The following BRWD3 variants were observed in gnomAD, a reference collection of about 807,000 sequenced individuals.
The protein encoded by BRWD3 is bromodomain and WD repeat domain containing 3.
A neutral mutation model predicts 149.7 loss-of-function variants in BRWD3; 10 were observed. That is an observed-to-expected ratio of 0.07 (90% CI 0.04 to 0.11). The LOEUF is 0.11. Ranked by LOEUF, BRWD3 falls within the 10% of genes least tolerant of loss-of-function variation. The probability of loss-of-function intolerance (pLI) is 1.00; values close to 1 mark genes in which losing one functional copy is unlikely to be tolerated. For missense variants in BRWD3, 940 were observed against 1,373.2 expected (o/e 0.68, Z 4.99); for synonymous variants, 504 against 456.7 (o/e 1.10, Z -1.32).
chrX:80,692,096 T>C lies in BRWD3; in HGVS notation c.3318A>G (p.Pro1106=), dbSNP rs140203774. 180 of 1,203,500 alleles carry C rather than the reference T, an allele frequency of 1.5e-4. 1 individual carries two copies. The highest frequency in any genetic ancestry group is 5.2e-4 in the Middle Eastern group (2 of 3,839). Residue 1106 remains proline (P), a synonymous_variant, in exon 29 of 41, where the codon CCA becomes CCG. Transcript: ENST00000373275. Reference sequence around the variant, plus strand: ...TTTTAAAAGCATATTTACTTCCTTCTGGAATTGGCTCCATATCCCATGGGC... The same window carrying C: ...TTTTAAAAGCATATTTACTTCCTTCCGGAATTGGCTCCATATCCCATGGGC... The part of the protein sequence containing the change: ...KMSPWDMEPI[P]EGTAFPDEVG...
At chrX:80,712,220 T>C (rs2072980929) in intron 20 of BRWD3, among the ~76,000 whole-genome samples, 1 of 111,709 alleles carries the variant, frequency 9.0e-6, no homozygotes, top group African/African-American at 3.3e-5. Flanking sequence ...ACTGTACTGC[T>C]GCCATCTCGG....
At chrX:80,722,530 A>C in intron 17 of BRWD3, 32 bp downstream of exon 17, 1 of 1,177,368 alleles carries the variant, frequency 8.5e-7, no homozygotes, top group Non-Finnish European at 1.2e-6. Context: ...ATTGGGCAAA[A>C]TGTTTTAAAT....
intron 35 of BRWD3, 27 bp downstream of exon 35, chrX:80,686,836 C>A: frequency 8.3e-7 from 1 of 1,199,748 alleles, no homozygotes. Flanking sequence ...ATCATACTGA[C>A]AATTATTTAA....
At chrX:80,689,098 G>C (rs745467399) in intron 33 of BRWD3, among the ~76,000 whole-genome samples, 1 of 111,318 alleles carries the variant, frequency 9.0e-6, no homozygotes, top group South Asian at 3.7e-4. Context: ...TAGCATATGT[G>C]AGTCACTCAT....
chrX:80,789,668 G>A (rs771750517), intron 6 of BRWD3, among the ~76,000 whole-genome samples: 2 of 110,001 alleles, frequency 1.8e-5, no homozygotes, highest in South Asian at 4.1e-4. Flanking sequence ...GAGCCACCCC[G>A]CCTGGCCTCC....
intron 20 of BRWD3, among the ~76,000 whole-genome samples, chrX:80,712,376 C>T (rs981292798): frequency 7.2e-5 from 8 of 110,603 alleles, no homozygotes; most frequent in African/African-American, 2.6e-4. Flanking sequence ...GTCTCCAGCT[C>T]CTAATCGCGA....
intron 4 of BRWD3, among the ~76,000 whole-genome samples, chrX:80,800,891 C>T (rs900886394): frequency 4.0e-4 from 44 of 110,599 alleles, no homozygotes; most frequent in Admixed American, 3.9e-4. Context: ...TTTAAGATTT[C>T]CTCAAGAAAG....
rs772439854 is a variant in BRWD3 at position 80,739,144 on chromosome X, AT to A, written c.814-3057del. On this transcript the variant is annotated intron_variant, in intron 8 of 40. Transcript: ENST00000373275. ...GATAGTGCCTTAAAACAGGACAGCA[AT>A]AACAGAGGTCATGAGAATTTGCCAG... 2.7e-5 allele frequency among the ~76,000 whole-genome samples: 3 copies of A among 111,850 alleles called. No homozygotes were observed. The South Asian group carries it at 1.1e-3, about 42-fold the overall frequency.
chrX:80,684,199 A>C lies in BRWD3; in HGVS notation c.4081-37T>G, dbSNP rs1255055641. 4.5e-6 allele frequency: 5 copies of C among 1,108,090 alleles called. No individual in the cohort carries two copies. In the African/African-American group the frequency reaches 5.4e-5, roughly 12 times the overall value. 91.3% of individuals were successfully genotyped at this position (1,108,090 alleles called of 1,213,427 possible). On this transcript the variant is annotated intron_variant, in intron 36 of 40. Coordinates refer to ENST00000373275, the MANE Select transcript of BRWD3 (RefSeq NM_153252.5). ...AATGTGTTATTAAATACTGTATAGC[A>C]ATATTAAGGAATACAATGGGACTAA...
chrX:80,728,754 A>T lies in BRWD3; in HGVS notation c.1384T>A (p.Ser462Thr), dbSNP rs202197853. ...TACTCTAAAAATAAAATACTTACAG[A>T]TAATGTATGAAGAAGCTGTCCTGTG... ...SITGQLLHTLSGHDDEVFVLE... is the reference protein window; with the variant it reads ...SITGQLLHTLTGHDDEVFVLE... Residue 462 changes from serine to threonine, a missense_variant and splice_region_variant, in exon 14 of 41, where the codon TCT becomes ACT. Coordinates refer to ENST00000373275, the MANE Select transcript of BRWD3 (RefSeq NM_153252.5). 2.5e-6 allele frequency: 3 copies of T among 1,195,470 alleles called. No homozygotes were observed. The highest frequency in any genetic ancestry group is 3.5e-5 in the African/African-American group (2 of 56,868).
chrX:80,755,110 CATTTACAG>C (rs2147805191), intron 6 of BRWD3, among the ~76,000 whole-genome samples: 1 of 111,563 alleles, frequency 9.0e-6, no homozygotes, highest in Non-Finnish European at 1.9e-5. Flanking sequence ...TGATGTATTT[CATTTACAG>C]ATTTGTAAAT....
intron 14 of BRWD3, among the ~76,000 whole-genome samples, chrX:80,726,128 C>T (rs759396242): frequency 5.7e-5 from 6 of 105,991 alleles, no homozygotes; most frequent in East Asian, 3.0e-4. Context: ...ACATATAACA[C>T]GTTTACATAT....
At position 80,684,166 on chromosome X, in the gene BRWD3, C is replaced by T; in HGVS notation, c.4081-4G>A. On this transcript the variant is annotated splice_polypyrimidine_tract_variant and splice_region_variant and intron_variant, in intron 36 of 40. Transcript: ENST00000373275. ...TATCTATAACATCTTGATAATCCTA[C>T]AAAGAAGAATGTGTTATTAAATACT... is the stretch of plus-strand genomic sequence containing the variant. The T allele has an allele frequency of 8.4e-7, 1 of 1,194,965 alleles. No homozygotes were observed. The highest frequency in any genetic ancestry group is 1.1e-6 in the Non-Finnish European group (1 of 881,443).
intron 24 of BRWD3, 123 bp from the exon 25 acceptor site, chrX:80,700,187 T>C: frequency 1.8e-6 from 1 of 544,080 alleles, no homozygotes; most frequent in Non-Finnish European, 3.0e-6. Context: ...TTGAAAGACT[T>C]TATACAATAA....
In BRWD3 at chrX:80,809,810, G is replaced by A. The variant is rs1187741808; in HGVS notation, c.-339C>T. ...GAGAGAGAGAGAGAGAGAGACGCGG[G>A]GGGTGGGGGGGCGGAGAGAGAGAGA... On this transcript the variant is annotated 5_prime_UTR_variant, in exon 1 of 41. Coordinates refer to ENST00000373275, the MANE Select transcript of BRWD3 (RefSeq NM_153252.5). The A allele has an allele frequency of 1.0e-5, 1 of 98,975 alleles. No individual in the cohort carries two copies. Among genetic ancestry groups the A allele is most frequent in the Non-Finnish European group, 2.1e-5 (1 of 46,715 alleles). 8.2% of individuals were successfully genotyped at this position (98,975 alleles called of 1,213,427 possible). A position where few individuals can be genotyped will look rare whatever the true frequency, so the allele number is the denominator to read the frequency against.
chrX:80,701,463 G>T (rs773636366), intron 24 of BRWD3, among the ~76,000 whole-genome samples: 3 of 98,448 alleles, frequency 3.0e-5, no homozygotes, highest in African/African-American at 1.1e-4. Context: ...CAGGAGGATC[G>T]CTTTGAACCC....
chrX:80,755,765 T>C (rs911405598), intron 6 of BRWD3, among the ~76,000 whole-genome samples: 1 of 111,889 alleles, frequency 8.9e-6, no homozygotes, highest in African/African-American at 3.2e-5. Flanking sequence ...CGTATTAAAT[T>C]ATGGAATATT....
In BRWD3 at chrX:80,777,387, G is replaced by A. The variant is rs759431495; in HGVS notation, c.430+14467C>T. ...AAAACTAGAAGTATACAAATTAGTG[G>A]TATTATTATTATTTTTTCTTTTTGA... On this transcript the variant is annotated intron_variant, in intron 6 of 40. Transcript: ENST00000373275. 2.7e-5 allele frequency among the ~76,000 whole-genome samples: 3 copies of A among 110,560 alleles called. No individual in the cohort carries two copies. The East Asian group carries it at 8.5e-4, about 31-fold the overall frequency.
intron 26 of BRWD3, 67 bp downstream of exon 26, chrX:80,696,672 A>G (rs2072703957): frequency 8.8e-7 from 1 of 1,133,246 alleles, no homozygotes; most frequent in Non-Finnish European, 1.2e-6. Flanking sequence ...TGAGCACTGT[A>G]CTCTAAAATA....
Sources: allele counts gnomAD v4.1 joint callset (sites outside exome capture counted in the v4.1 genomes callset), GRCh38; gene constraint gnomAD v4.1.1; transcripts MANE v1.5; gene names NCBI Gene and HGNC (gene_info 2026-07-23, HGNC 2026-07-21).